Variants in KIF1B observed in about 807,000 individuals in gnomAD.
KIF1B encodes the protein kinesin-like protein KIF1B.
A neutral mutation model predicts 241.9 loss-of-function variants in KIF1B; 76 were observed. The observed-to-expected ratio is 0.31, with a 90% CI of 0.26 to 0.38. KIF1B has a LOEUF of 0.38. Among genes scored for constraint, KIF1B ranks in the 10% least tolerant of loss-of-function variants. The pLI is 1.00. For missense variants in KIF1B, 1,622 were observed against 2,271.4 expected (o/e 0.71, Z 5.81); for synonymous variants, 750 against 796.7 (o/e 0.94, Z 0.99).
chr1:10,334,758 A>T, intron 28 of KIF1B, 120 bp downstream of exon 28: 4 of 766,858 alleles, frequency 5.2e-6, no homozygotes, highest in Non-Finnish European at 9.3e-6. Context: ...TGTATGTGTA[A>T]TATACAGACA....
chr1:10,283,375 G>C (rs1367833581), intron 15 of KIF1B, among the ~76,000 whole-genome samples: 1 of 152,200 alleles, frequency 6.6e-6, no homozygotes, highest in African/African-American at 2.4e-5. Flanking sequence ...TACCCATGGG[G>C]TCACAGGGCC....
At position 10,268,194 on chromosome 1, in the gene KIF1B, C is replaced by G. The variant is rs1248789656; in HGVS notation, c.651C>G (p.Ser217=). The change falls in exon 7 of 49, where the codon TCC becomes TCG. Residue 217 remains serine (S), a synonymous_variant. Transcript: ENST00000676179. The part of the protein sequence containing the change: ...ATNMNETSSR[S]HAVFTIVFTQ... ...ACATGAATGAAACAAGTAGCCGTTC[C>G]CACGCTGTGTTTACGATTGTTTTCA... 6.2e-7 allele frequency: 1 copy of G among 1,613,994 alleles called. No individual in the cohort carries two copies. The highest frequency in any genetic ancestry group is 2.2e-5 in the East Asian group (1 of 44,880).
Position 10,375,268 on chromosome 1 carries a change from T to G in KIF1B, c.5303T>G (p.Phe1768Cys), listed in dbSNP as rs1231628575. The G allele has an allele frequency of 1.2e-6, 2 of 1,614,084 alleles. No homozygotes were observed. The highest frequency in any genetic ancestry group is 4.5e-5 in the East Asian group (2 of 44,892). Residue 1768 changes from phenylalanine (F) to cysteine (C), a missense_variant, in exon 48 of 49, where the codon TTT (phenylalanine) becomes TGT (cysteine). Phe to Cys is a radical substitution (Grantham distance 205). Around this residue, in one of 7 missense-constraint regions of KIF1B, gnomAD observed 357 missense variants for 409.0 expected, o/e 0.87. Transcript: ENST00000676179. ...QQAMVKTPNT[F>C]AVCTKHRGVL... ...TTTTTCTTTCAGACACCAAACACCT[T>G]TGCTGTCTGCACAAAGCACCGTGGG...
chr1:10,345,986 C>T (rs1444170391), intron 35 of KIF1B, 33 bp downstream of exon 35: 7 of 1,346,412 alleles, frequency 5.2e-6, no homozygotes, highest in African/African-American at 1.4e-5. Context: ...TTAAATAAGG[C>T]AAAATGTTTC....
chr1:10,239,553 C>T (rs1317932359), intron 2 of KIF1B, among the ~76,000 whole-genome samples: 3 of 151,906 alleles, frequency 2.0e-5, no homozygotes, highest in Admixed American at 1.3e-4. Context: ...AATGTTGGAA[C>T]ACAAATGTGT....
intron 12 of KIF1B, among the ~76,000 whole-genome samples, chr1:10,277,531 G>T (rs1195217934): frequency 2.0e-5 from 3 of 152,032 alleles, no homozygotes; most frequent in East Asian, 3.9e-4. Context: ...GAGATGGGGG[G>T]TCTTGTTAGG....
chr1:10,248,067 C>G (rs1216417300), intron 2 of KIF1B, among the ~76,000 whole-genome samples: 1 of 152,216 alleles, frequency 6.6e-6, no homozygotes, highest in African/African-American at 2.4e-5. Flanking sequence ...GTACCGGTCT[C>G]TGGCCCAGGG....
chr1:10,302,663 G>A (rs1650601210), intron 22 of KIF1B, among the ~76,000 whole-genome samples: 1 of 152,144 alleles, frequency 6.6e-6, no homozygotes, highest in Non-Finnish European at 1.5e-5. Context: ...TGGCATCTGT[G>A]CTCACTCATG....
At chr1:10,359,010 C>G (rs1464218907) in intron 38 of KIF1B, among the ~76,000 whole-genome samples, 1 of 152,172 alleles carries the variant, frequency 6.6e-6, no homozygotes, top group Non-Finnish European at 1.5e-5. Context: ...AAAGACTAGA[C>G]ATTTGAGAGA....
rs1434870636 is a variant in KIF1B at position 10,380,356 on chromosome 1, AG to A, written c.*3771del. ...GACAGTATCAGGGCTTGTTTGACTT[AG>A]GTCTTTCAGTTTTCCTTTCGGTTCC... On this transcript the variant is annotated 3_prime_UTR_variant, in exon 49 of 49. Coordinates refer to ENST00000676179, the MANE Select transcript of KIF1B (RefSeq NM_001365951.3). 1 of 203,542 alleles carries A rather than the reference AG, an allele frequency of 4.9e-6. No individual in the cohort carries two copies. The highest frequency in any genetic ancestry group is 2.3e-5 in the African/African-American group (1 of 43,546). 12.6% of individuals were successfully genotyped at this position (203,542 alleles called of 1,614,324 possible).
rs1219022475 is a variant in KIF1B, at chr1:10,308,467, C to T, written c.2115+11221C>T. 5 of 1,037,708 alleles carry T rather than the reference C, an allele frequency of 4.8e-6. No individual in the cohort carries two copies. In the South Asian group the frequency reaches 2.3e-4, roughly 48 times the overall value. The allele number at this position is 1,037,708 out of a possible 1,614,324, so 64.3% of individuals were successfully genotyped here. On this transcript the variant is annotated intron_variant, in intron 22 of 48. Coordinates refer to ENST00000676179, the MANE Select transcript of KIF1B (RefSeq NM_001365951.3). ...AACTGTGGATTTCCCCTCTCAATTT[C>T]TTAAACAACAACAAAAAAATGCTTG... is the stretch of plus-strand genomic sequence containing the variant.
chr1:10,352,855 C>A, intron 38 of KIF1B, 119 bp downstream of exon 38: 1 of 715,296 alleles, frequency 1.4e-6, no homozygotes, highest in Non-Finnish European at 2.5e-6. Flanking sequence ...TCCCTTCTCC[C>A]TTCTAGCTTC....
rs1371178343 is a variant in KIF1B at position 10,232,402 on chromosome 1, A to G, written c.74A>G (p.Lys25Arg). 4 of 1,614,050 alleles carry G rather than the reference A, an allele frequency of 2.5e-6. No individual in the cohort carries two copies. The highest frequency in any genetic ancestry group is 2.2e-5 in the East Asian group (1 of 44,882). Residue 25 changes from lysine (K) to arginine (R), a missense_variant, in exon 2 of 49, where the codon AAA becomes AGA. By Grantham distance (26) the Lys-to-Arg change is conservative. This residue lies in a region of KIF1B where 156 missense variants were observed against 244.8 expected (regional missense o/e 0.64). Coordinates refer to ENST00000676179, the MANE Select transcript of KIF1B (RefSeq NM_001365951.3). ...FNSRETSKESKCIIQMQGNST... is the reference protein window; with the variant it reads ...FNSRETSKESRCIIQMQGNST... ...TCTCGAGAGACCAGCAAGGAATCCA[A>G]ATGCATCATTCAGATGCAAGGCAAC...
chr1:10,344,194 G>A (rs1041956424), intron 34 of KIF1B, among the ~76,000 whole-genome samples: 4 of 152,150 alleles, frequency 2.6e-5, no homozygotes, highest in Admixed American at 6.5e-5. Context: ...TGCATCCTCC[G>A]CTATTGCCAC....
intron 2 of KIF1B, among the ~76,000 whole-genome samples, chr1:10,248,825 A>G (rs907878316): frequency 6.6e-6 from 1 of 152,198 alleles, no homozygotes; most frequent in Non-Finnish European, 1.5e-5. Flanking sequence ...AAAAAGCCAA[A>G]GATGGCTCCC....
chr1:10,248,650 G>C (rs1464842347), intron 2 of KIF1B, among the ~76,000 whole-genome samples: 2 of 152,200 alleles, frequency 1.3e-5, no homozygotes, highest in African/African-American at 4.8e-5. Flanking sequence ...TCCCAAACAT[G>C]CTGCCGTGGT....
At chr1:10,309,693 ATTC>A (rs1289766262) in intron 22 of KIF1B, among the ~76,000 whole-genome samples, 3 of 151,464 alleles carry the variant, frequency 2.0e-5, no homozygotes, top group African/African-American at 2.5e-5. Flanking sequence ...CTTTGCTTCT[ATTC>A]TTGACCCCTA....
intron 2 of KIF1B, among the ~76,000 whole-genome samples, chr1:10,252,956 C>G (rs1009673292): frequency 1.3e-5 from 2 of 152,090 alleles, no homozygotes; most frequent in Non-Finnish European, 2.9e-5. Flanking sequence ...AACTCCTGAC[C>G]TCAGGTGATC....
At chr1:10,216,547 C>T (rs537665781) in intron 1 of KIF1B, among the ~76,000 whole-genome samples, 4 of 152,280 alleles carry the variant, frequency 2.6e-5, no homozygotes, top group East Asian at 1.9e-4. Flanking sequence ...ATTCTTACTC[C>T]GTGTCATGGA....
Sources: gnomAD v4.1 joint callset for allele counts (sites outside exome capture counted in the v4.1 genomes callset) on GRCh38, gnomAD v4.1.1 for gene constraint, gnomAD v4.1.1 regional missense constraint, MANE v1.5 for transcripts, NCBI Gene and HGNC (gene_info 2026-07-23, HGNC 2026-07-21) for gene names.